ADGRB2: variants seen among roughly 807,000 people sequenced by gnomAD.
ADGRB2 encodes brain-specific angiogenesis inhibitor 2.
In ADGRB2, 47 loss-of-function variants were observed where a neutral mutation model predicts 178.7. The ratio of observed to expected loss-of-function variants is 0.26; its 90% CI spans 0.21 to 0.34. The LOEUF (loss-of-function observed/expected upper bound fraction) is 0.34, where lower values mean the gene tolerates loss of function less well. Ranked by LOEUF, ADGRB2 falls within the 10% of genes least tolerant of loss-of-function variation. ADGRB2 has a pLI of 1.00. For synonymous variants in ADGRB2, 870 were observed against 912.4 expected (o/e 0.95, Z 0.84); for missense variants, 1,584 against 2,180.8 (o/e 0.73, Z 5.45).
Position 31,759,493 on chromosome 1 carries a change from C to T in ADGRB2, c.-190-1982G>A, listed in dbSNP as rs1646979436. On this transcript the variant is annotated intron_variant, in intron 1 of 32. Coordinates refer to ENST00000373658, the MANE Select transcript of ADGRB2 (RefSeq NM_001364857.2). This position sits in a 1 kb window ranked among gnomAD's most constrained non-coding sequence, Gnocchi z 4.3. Reference sequence around the variant, plus strand: ...CATCAAGAAGCACAAGGTCCACATCCTTCAGAGCCACAGGCTGGCTTCTCC... The same window carrying T: ...CATCAAGAAGCACAAGGTCCACATCTTTCAGAGCCACAGGCTGGCTTCTCC... 2.9e-6 allele frequency: 2 copies of T among 696,902 alleles called. No homozygotes were observed. The highest frequency in any genetic ancestry group is 4.2e-5 in the Admixed American group (2 of 48,090). The allele number at this position is 696,902 out of a possible 1,614,324, so 43.2% of individuals were successfully genotyped here.
At position 31,728,421 on chromosome 1, in the gene ADGRB2, G is replaced by A. The variant is rs1400351374; in HGVS notation, c.4417-141C>T. The A allele has an allele frequency of 9.0e-6, 12 of 1,328,210 alleles. No homozygotes were observed. Among genetic ancestry groups the A allele is most frequent in the South Asian group, 2.4e-5 (2 of 82,394 alleles). 82.3% of individuals were successfully genotyped at this position (1,328,210 alleles called of 1,614,324 possible). On this transcript the variant is annotated intron_variant, in intron 30 of 32. Coordinates refer to ENST00000373658, the MANE Select transcript of ADGRB2 (RefSeq NM_001364857.2). This position sits in a 1 kb window ranked among gnomAD's most constrained non-coding sequence, Gnocchi z 6.7. ...GGACAAGACCTAGTTCTCTCTTCAC[G>A]TTGGTGCTATGGGCTTGGGCAGGGA...
At chr1:31,730,390 C>T (rs1393284398) in intron 29 of ADGRB2, among the ~76,000 whole-genome samples, 3 of 152,222 alleles carry the variant, frequency 2.0e-5, no homozygotes, top group East Asian at 1.9e-4. Context: ...GAGACTGCTA[C>T]GGTATCCCCA....
At chr1:31,739,870 G>C (rs1279770049) in intron 14 of ADGRB2, 56 bp downstream of exon 14, 2 of 1,504,420 alleles carry the variant, frequency 1.3e-6, no homozygotes, top group Non-Finnish European at 1.8e-6. Flanking sequence ...AGGAAAGACA[G>C]AACGTCTTGA....
At chr1:31,748,890 C>T (rs1182156965) in intron 4 of ADGRB2, among the ~76,000 whole-genome samples, 4 of 152,186 alleles carry the variant, frequency 2.6e-5, no homozygotes, top group African/African-American at 9.7e-5. Context: ...GGCTGGTTTC[C>T]CCCATTTTAC....
chr1:31,728,015 G>T lies in ADGRB2; in HGVS notation c.4572+10C>A. On this transcript the variant is annotated intron_variant, in intron 32 of 32. Coordinates refer to ENST00000373658, the MANE Select transcript of ADGRB2 (RefSeq NM_001364857.2). The surrounding 1 kb of genome is among the most constrained non-coding windows in gnomAD (Gnocchi z 6.7). ...GCCCACCTCACCCCACCCAGCCCGG[G>T]GGGACTCACGGTGCACACGCTCCGC... 1 of 1,555,352 alleles carries T rather than the reference G, an allele frequency of 6.4e-7. No individual in the cohort carries two copies. The highest frequency in any genetic ancestry group is 1.4e-5 in the African/African-American group (1 of 73,762).
At chr1:31,762,796 T>G (rs1198761189) in intron 1 of ADGRB2, among the ~76,000 whole-genome samples, 1 of 152,040 alleles carries the variant, frequency 6.6e-6, no homozygotes, top group South Asian at 2.1e-4. Context: ...GGAGAAGGGG[T>G]GGCGGGTCCC....
In ADGRB2 at chr1:31,755,867, T is replaced by G. The variant is rs1646804138; in HGVS notation, c.838+132A>C. On this transcript the variant is annotated intron_variant, in intron 4 of 32. Coordinates refer to ENST00000373658, the MANE Select transcript of ADGRB2 (RefSeq NM_001364857.2). The surrounding 1 kb of genome is among the most constrained non-coding windows in gnomAD (Gnocchi z 5.1). Reference sequence around the variant, plus strand: ...CCATGCATTTTGGTGACCGCAACATTTGGACAAGGCTCAGCAGAGGGGTGA... The same window carrying G: ...CCATGCATTTTGGTGACCGCAACATGTGGACAAGGCTCAGCAGAGGGGTGA... 1 of 1,305,422 alleles carries G rather than the reference T, an allele frequency of 7.7e-7. No individual in the cohort carries two copies. The highest frequency in any genetic ancestry group is 2.6e-5 in the Admixed American group (1 of 38,328). The allele number at this position is 1,305,422 out of a possible 1,614,324, so 80.9% of individuals were successfully genotyped here.
Position 31,763,973 on chromosome 1 carries a change from C to A in ADGRB2, c.-280G>T. The A allele has an allele frequency of 1.0e-6, 1 of 984,102 alleles. No homozygotes were observed. Among genetic ancestry groups the A allele is most frequent in the Non-Finnish European group, 1.2e-6 (1 of 829,608 alleles). The allele number at this position is 984,102 out of a possible 1,614,324, so 61.0% of individuals were successfully genotyped here. A position where few individuals can be genotyped will look rare whatever the true frequency, so the allele number is the denominator to read the frequency against. On this transcript the variant is annotated 5_prime_UTR_variant, in exon 1 of 33. Transcript: ENST00000373658. ...TGCCATCCCTAAGTCGGGGACCGGG[C>A]CGGGCGCAGGGTAGGTAGCTGCAGC...
rs1203975638 is a variant in ADGRB2, at chr1:31,733,259, AC to A, written c.3453-117del. On this transcript the variant is annotated intron_variant, in intron 25 of 32. Coordinates refer to ENST00000373658, the MANE Select transcript of ADGRB2 (RefSeq NM_001364857.2). The surrounding 1 kb of genome is among the most constrained non-coding windows in gnomAD (Gnocchi z 4.3). The stretch of plus-strand genomic sequence containing the variant: ...CTGCCCAAGACTGGGAGGGCCCCAA[AC>A]CCCAGGGCCTCAGTAATGTCCCCAA... 6.2e-6 allele frequency: 7 copies of A among 1,136,672 alleles called. No individual in the cohort carries two copies. The highest frequency in any genetic ancestry group is 8.6e-6 in the Non-Finnish European group (7 of 809,918). The allele number at this position is 1,136,672 out of a possible 1,614,324, so 70.4% of individuals were successfully genotyped here.
rs1004251243 is a variant in ADGRB2, at chr1:31,754,605, G to A, written c.838+1394C>T. Among the ~76,000 whole-genome samples the A allele has an allele frequency of 3.3e-5, 5 of 152,348 alleles. No homozygotes were observed. Among genetic ancestry groups the A allele is most frequent in the South Asian group, 4.1e-4 (2 of 4,830 alleles). On this transcript the variant is annotated intron_variant, in intron 4 of 32. Coordinates refer to ENST00000373658, the MANE Select transcript of ADGRB2 (RefSeq NM_001364857.2). This position sits in a 1 kb window ranked among gnomAD's most constrained non-coding sequence, Gnocchi z 5.7. ...CACTCGGACGGCTTCATTGACCGCC[G>A]TTAGAGGCCAAGCTAGCCTGGGAGA...
At chr1:31,742,735 G>A (rs1158464276) in intron 7 of ADGRB2, 103 bp downstream of exon 7, 4 of 1,315,132 alleles carry the variant, frequency 3.0e-6, no homozygotes, top group Admixed American at 7.1e-5. Flanking sequence ...AAAGTTTAAG[G>A]GGCCCCCAGG....
rs1398322939 is a variant in ADGRB2, at chr1:31,754,754, C to G, written c.838+1245G>C. On this transcript the variant is annotated intron_variant, in intron 4 of 32. Coordinates refer to ENST00000373658, the MANE Select transcript of ADGRB2 (RefSeq NM_001364857.2). The surrounding 1 kb of genome is among the most constrained non-coding windows in gnomAD (Gnocchi z 5.7). The stretch of plus-strand genomic sequence containing the variant: ...TAGGCTACTTTCAAGATAACTACCC[C>G]CTCTAATTAATTCAGGGATACCTCC... Among the ~76,000 whole-genome samples the G allele has an allele frequency of 1.1e-4, 16 of 152,190 alleles. No homozygotes were observed. The highest frequency in any genetic ancestry group is 1.0e-3 in the Admixed American group (16 of 15,286).
In ADGRB2 at chr1:31,739,487, C is replaced by T. The variant is rs1458230718; in HGVS notation, c.2316G>A (p.Gly772=). The change falls in exon 15 of 33, where the codon GGG becomes GGA. Residue 772 remains glycine (G), a synonymous_variant. Coordinates refer to ENST00000373658, the MANE Select transcript of ADGRB2 (RefSeq NM_001364857.2). Reference sequence around the variant, plus strand: ...CTGCTGCCCCAGATGTGGCTGGCTTCCCTGGGGAGGAGAGGCTGAGCACCT... The same window carrying T: ...CTGCTGCCCCAGATGTGGCTGGCTTTCCTGGGGAGGAGAGGCTGAGCACCT... ...PKEVLSLSSP[G]KPATSGAAGS... is the part of the protein sequence containing the mutation. 1.2e-6 allele frequency: 2 copies of T among 1,612,146 alleles called. No individual in the cohort carries two copies. Among genetic ancestry groups the T allele is most frequent in the Admixed American group, 3.3e-5 (2 of 59,956 alleles).
At position 31,759,106 on chromosome 1, in the gene ADGRB2, C is replaced by T. The variant is rs1646963439; in HGVS notation, c.-190-1595G>A. On this transcript the variant is annotated intron_variant, in intron 1 of 32. Coordinates refer to ENST00000373658, the MANE Select transcript of ADGRB2 (RefSeq NM_001364857.2). This position sits in a 1 kb window ranked among gnomAD's most constrained non-coding sequence, Gnocchi z 4.3. ...CACATGGGTTTGAACACCCTTGTGC[C>T]CTGAGGACACACACACCAAAGCATG... Among the ~76,000 whole-genome samples the T allele has an allele frequency of 6.6e-6, 1 of 152,136 alleles. No homozygotes were observed. Among genetic ancestry groups the T allele is most frequent in the African/African-American group, 2.4e-5 (1 of 41,420 alleles).
rs1027293866 is a variant in ADGRB2 at position 31,741,342 on chromosome 1, G to A, written c.1794+31C>T. ...CCTAGCAGAGTCTGAGACAGATTCT[G>A]CTGTGCCCCAGCCCAGCAGGGTGCA... On this transcript the variant is annotated intron_variant, in intron 11 of 32. Coordinates refer to ENST00000373658, the MANE Select transcript of ADGRB2 (RefSeq NM_001364857.2). The surrounding 1 kb of genome is among the most constrained non-coding windows in gnomAD (Gnocchi z 6.5). The A allele has an allele frequency of 1.9e-6, 3 of 1,565,074 alleles. No individual in the cohort carries two copies. In the African/African-American group the frequency reaches 4.0e-5, roughly 21 times the overall value.
chr1:31,750,147 GA>G (rs1646491515), intron 4 of ADGRB2, among the ~76,000 whole-genome samples: 1 of 152,124 alleles, frequency 6.6e-6, no homozygotes, highest in African/African-American at 2.4e-5. Context: ...CCTCCTCCAG[GA>G]AGCCTTCCTA....
chr1:31,733,651 G>A lies in ADGRB2; in HGVS notation c.3453-508C>T, dbSNP rs192458297. Among the ~76,000 whole-genome samples the A allele has an allele frequency of 2.6e-4, 40 of 152,274 alleles. No homozygotes were observed. Among genetic ancestry groups the A allele is most frequent in the African/African-American group, 8.2e-4 (34 of 41,546 alleles). On this transcript the variant is annotated intron_variant, in intron 25 of 32. Transcript: ENST00000373658. The surrounding 1 kb of genome is among the most constrained non-coding windows in gnomAD (Gnocchi z 4.3). Reference sequence around the variant, plus strand: ...AGCACGCGGGGGACATCCAGAGCACGAATCCTCAGGGAGAAGACAGGGGGC... The same window carrying A: ...AGCACGCGGGGGACATCCAGAGCACAAATCCTCAGGGAGAAGACAGGGGGC...
At chr1:31,743,049 C>T in intron 6 of ADGRB2, 47 bp from the exon 7 acceptor site, 1 of 1,358,228 alleles carries the variant, frequency 7.4e-7, no homozygotes, top group Non-Finnish European at 9.5e-7. Context: ...CATGGCCCCG[C>T]CCACCACCGG....
At chr1:31,739,081 C>T (rs758329265) in intron 15 of ADGRB2, 144 bp from the exon 16 acceptor site, 79 of 856,578 alleles carry the variant, frequency 9.2e-5, no homozygotes, top group Non-Finnish European at 1.3e-4. Flanking sequence ...TCCAGGACTT[C>T]AGGTGAGGTC....
Sources: gnomAD v4.1 joint callset for allele counts (sites outside exome capture counted in the v4.1 genomes callset) on GRCh38, gnomAD v4.1.1 for gene constraint, Gnocchi (gnomAD v3.1) non-coding constraint, MANE v1.5 for transcripts, NCBI Gene and HGNC (gene_info 2026-07-23, HGNC 2026-07-21) for gene names.